Variants in RGS6 observed in about 807,000 individuals in gnomAD.
RGS6 encodes regulator of G-protein signaling 6.
A neutral mutation model predicts 78.5 loss-of-function variants in RGS6; 30 were observed. That is an observed-to-expected ratio of 0.38 (90% CI 0.29 to 0.52). The LOEUF (loss-of-function observed/expected upper bound fraction) is 0.52. Among genes scored for constraint, RGS6 ranks in the 20% least tolerant of loss-of-function variants. RGS6 has a pLI of 0.85. For synonymous variants in RGS6, 206 were observed against 206.0 expected (o/e 1.00, Z 0.00); for missense variants, 495 against 609.7 (o/e 0.81, Z 1.98).
At chr14:72,376,779 C>G (rs1259020688) in intron 3 of RGS6, among the ~76,000 whole-genome samples, 6 of 152,010 alleles carry the variant, frequency 3.9e-5, no homozygotes, top group Admixed American at 6.5e-5. Context: ...CGCAGACAAG[C>G]AAAAATTAAG....
At chr14:72,479,583 G>T (rs567343341) in intron 12 of RGS6, among the ~76,000 whole-genome samples, 1 of 152,332 alleles carries the variant, frequency 6.6e-6, no homozygotes, top group South Asian at 2.1e-4. Flanking sequence ...CTATGCAAAT[G>T]TGCTGGAAAG....
At position 72,362,833 on chromosome 14, in the gene RGS6, A is replaced by C. The variant is rs114942666; in HGVS notation, c.184+10639A>C. ...CAACATCATGTTGACATTGGGAGAC[A>C]CGATTCATTGGAGGGCATTACCATA... On this transcript the variant is annotated intron_variant, in intron 3 of 17. Coordinates refer to ENST00000553525, the MANE Select transcript of RGS6 (RefSeq NM_001204424.2). Among the ~76,000 whole-genome samples the C allele has an allele frequency of 2.8e-3, 431 of 152,316 alleles. 2 individuals are homozygous for C. The highest frequency in any genetic ancestry group is 9.9e-3 in the African/African-American group (413 of 41,566).
the RGS6 span, among the ~76,000 whole-genome samples, chr14:71,872,905 C>T: frequency 1.3e-5 from 2 of 152,106 alleles, no homozygotes; most frequent in Non-Finnish European, 2.9e-5. Flanking sequence ...GGTTTTTTGT[C>T]CTTCCAAGAG....
At chr14:72,347,568 A>G (rs891721397) in intron 2 of RGS6, among the ~76,000 whole-genome samples, 3 of 152,240 alleles carry the variant, frequency 2.0e-5, no homozygotes, top group Admixed American at 2.0e-4. Context: ...TCTCTTGTCT[A>G]TAAAATGGGG....
Position 72,044,128 on chromosome 14 carries a change from C to G in RGS6, c.84+79253C>G, listed in dbSNP as rs151156072. Among the ~76,000 whole-genome samples the G allele has an allele frequency of 2.6e-5, 4 of 152,326 alleles. No individual in the cohort carries two copies. In the East Asian group the frequency reaches 7.7e-4, roughly 29 times the overall value. On this transcript the variant is annotated intron_variant, in intron 2 of 17. Coordinates refer to ENST00000553525, the MANE Select transcript of RGS6 (RefSeq NM_001204424.2). ...AAAAACATTCTTCACTTCTGTTTGT[C>G]TGATTTCTAGCAATTCCTTTAGATT...
At chr14:71,931,827 G>C (rs936176765), upstream of RGS6, among the ~76,000 whole-genome samples, 5 of 152,190 alleles carry the variant, frequency 3.3e-5, no homozygotes, top group African/African-American at 4.8e-5. Flanking sequence ...GAATATCTGA[G>C]AGTTACTTTT....
intron 2 of RGS6, among the ~76,000 whole-genome samples, chr14:72,152,491 A>G (rs1056555504): frequency 2.6e-5 from 4 of 152,138 alleles, no homozygotes; most frequent in Non-Finnish European, 5.9e-5. Context: ...GAATGAGACC[A>G]CTTGGTTCAG....
chr14:72,492,971 T>TATCTAGGCCC (rs2096597866), intron 12 of RGS6, among the ~76,000 whole-genome samples: 1 of 152,142 alleles, frequency 6.6e-6, no homozygotes, highest in Admixed American at 6.5e-5. Context: ...CAGAAAAAGC[T>TATCTAGGCCC]TGCCAATGCC....
At chr14:72,157,694 G>A (rs2096792475) in intron 2 of RGS6, among the ~76,000 whole-genome samples, 1 of 152,156 alleles carries the variant, frequency 6.6e-6, no homozygotes, top group South Asian at 2.1e-4. Flanking sequence ...TGCTGAGAGA[G>A]GTATTTTGGG....
chr14:72,312,480 G>A (rs563842349), intron 2 of RGS6, among the ~76,000 whole-genome samples: 1 of 152,284 alleles, frequency 6.6e-6, no homozygotes, highest in South Asian at 2.1e-4. Context: ...AGATGAAAAG[G>A]ACAGGCTCTG....
At chr14:72,555,371 C>T (rs1293624566) in intron 17 of RGS6, among the ~76,000 whole-genome samples, 1 of 152,254 alleles carries the variant, frequency 6.6e-6, no homozygotes, top group Non-Finnish European at 1.5e-5. Flanking sequence ...TTTTGCCAGG[C>T]TTGTCAGCCA....
At chr14:72,053,268 C>T (rs1450421859) in intron 2 of RGS6, among the ~76,000 whole-genome samples, 2 of 150,682 alleles carry the variant, frequency 1.3e-5, no homozygotes. Flanking sequence ...TACAGCTGCC[C>T]ACCACCACGC....
intron 2 of RGS6, among the ~76,000 whole-genome samples, chr14:72,175,748 A>G (rs1388059811): frequency 6.6e-6 from 1 of 152,222 alleles, no homozygotes. Flanking sequence ...GGGTCAGCAC[A>G]GTGCCCAGCG....
At position 72,245,079 on chromosome 14, in the gene RGS6, C is replaced by T. The variant is rs73301189; in HGVS notation, c.85-107016C>T. Among the ~76,000 whole-genome samples the T allele has an allele frequency of 9.8e-3, 1,492 of 152,324 alleles. 13 individuals are homozygous for T. The highest frequency in any genetic ancestry group is 0.032 in the African/African-American group (1,342 of 41,560). ...ATCACCATGTTCCAGCAATTCTAAA[C>T]GATATCAGCGTTGGGGAGGAAAAAC... On this transcript the variant is annotated intron_variant, in intron 2 of 17. Coordinates refer to ENST00000553525, the MANE Select transcript of RGS6 (RefSeq NM_001204424.2).
At chr14:72,238,421 C>T (rs2051768211) in intron 2 of RGS6, among the ~76,000 whole-genome samples, 1 of 152,208 alleles carries the variant, frequency 6.6e-6, no homozygotes, top group African/African-American at 2.4e-5. Context: ...TGTCTCCTGT[C>T]TGTATCGCTA....
chr14:71,934,019 G>A (rs11844561), intron 1 of RGS6, among the ~76,000 whole-genome samples: 1,687 of 152,250 alleles, frequency 0.011, 27 homozygotes, highest in African/African-American at 0.038. Flanking sequence ...AATTTTCATA[G>A]GCAAATAGGT....
intron 12 of RGS6, among the ~76,000 whole-genome samples, chr14:72,491,206 T>G (rs1310541722): frequency 6.6e-6 from 1 of 152,026 alleles, no homozygotes; most frequent in East Asian, 1.9e-4. Flanking sequence ...TGTGGATCGA[T>G]AACCATAAAA....
At chr14:72,462,135 A>G (rs907143593) in intron 6 of RGS6, among the ~76,000 whole-genome samples, 1 of 152,186 alleles carries the variant, frequency 6.6e-6, no homozygotes, top group Non-Finnish European at 1.5e-5. Flanking sequence ...ACAAACGTTT[A>G]CTGGTCCCTA....
intron 2 of RGS6, among the ~76,000 whole-genome samples, chr14:72,016,339 T>C (rs897765643): frequency 2.6e-5 from 4 of 152,204 alleles, no homozygotes; most frequent in Non-Finnish European, 5.9e-5. Flanking sequence ...TGACTGTGTG[T>C]GGCTTCTGTT....
Sources: gnomAD v4.1 joint callset for allele counts (sites outside exome capture counted in the v4.1 genomes callset) on GRCh38, gnomAD v4.1.1 for gene constraint, MANE v1.5 for transcripts, NCBI Gene and HGNC (gene_info 2026-07-23, HGNC 2026-07-21) for gene names.